Variants in RIMS1 observed in about 807,000 individuals in gnomAD.
RIMS1 encodes the protein regulating synaptic membrane exocytosis protein 1.
A neutral mutation model predicts 214.1 loss-of-function variants in RIMS1; 83 were observed. The ratio of observed to expected loss-of-function variants is 0.39; its 90% CI spans 0.32 to 0.47. RIMS1 has a LOEUF of 0.47. RIMS1 is among the 20% of genes least tolerant of loss of function. The pLI is 0.99. For missense variants in RIMS1, 2,050 were observed against 2,161.8 expected (o/e 0.95, Z 1.03); for synonymous variants, 793 against 786.8 (o/e 1.01, Z -0.13).
chr6:71,989,350 C>T (rs757095187), intron 2 of RIMS1, among the ~76,000 whole-genome samples: 2 of 152,172 alleles, frequency 1.3e-5, no homozygotes, highest in African/African-American at 2.4e-5. Context: ...CTCCAGAAAT[C>T]TTCACTAACA....
At chr6:72,127,497 A>G (rs557376485) in intron 4 of RIMS1, among the ~76,000 whole-genome samples, 1 of 152,300 alleles carries the variant, frequency 6.6e-6, no homozygotes, top group African/African-American at 2.4e-5. Context: ...ATTCAGTCTC[A>G]GTAATCATTG....
intron 26 of RIMS1, among the ~76,000 whole-genome samples, chr6:72,294,387 G>A (rs2093816765): frequency 6.6e-6 from 1 of 151,534 alleles, no homozygotes; most frequent in South Asian, 2.1e-4. Flanking sequence ...TATTACAATT[G>A]GTTAAGCCCC....
chr6:72,253,435 T>C (rs957389153), intron 16 of RIMS1, among the ~76,000 whole-genome samples: 4 of 152,160 alleles, frequency 2.6e-5, no homozygotes, highest in Admixed American at 1.3e-4. Flanking sequence ...TTTTGTGATG[T>C]TGTAGGGTTT....
intron 1 of RIMS1, among the ~76,000 whole-genome samples, chr6:71,945,806 G>A (rs1787637057): frequency 6.7e-6 from 1 of 149,710 alleles, no homozygotes; most frequent in Admixed American, 6.7e-5. Flanking sequence ...CTGGAGTGCA[G>A]TGGCATGATC....
intron 26 of RIMS1, among the ~76,000 whole-genome samples, chr6:72,298,226 G>A (rs914453722): frequency 6.6e-6 from 1 of 151,882 alleles, no homozygotes; most frequent in Non-Finnish European, 1.5e-5. Context: ...AATACTCAAA[G>A]CATTACTAAT....
chr6:71,942,629 T>C (rs1466821863), intron 1 of RIMS1, among the ~76,000 whole-genome samples: 1 of 152,110 alleles, frequency 6.6e-6, no homozygotes, highest in Non-Finnish European at 1.5e-5. Context: ...CCTGGAGGGT[T>C]TTTTGTTTGT....
intron 29 of RIMS1, among the ~76,000 whole-genome samples, chr6:72,380,226 G>A (rs533867433): frequency 1.2e-4 from 19 of 152,228 alleles, no homozygotes; most frequent in African/African-American, 4.1e-4. Context: ...GGTGGGGAAC[G>A]TCACACACCG....
intron 28 of RIMS1, among the ~76,000 whole-genome samples, chr6:72,327,617 T>C (rs905509495): frequency 6.6e-6 from 1 of 151,844 alleles, no homozygotes; most frequent in Admixed American, 6.6e-5. Flanking sequence ...GCTGCATCAC[T>C]TTACATCCCC....
Position 72,156,509 on chromosome 6 carries a change from AC to A in RIMS1, c.472-23064del, listed in dbSNP as rs757357962. Among the ~76,000 whole-genome samples the A allele has an allele frequency of 2.9e-4, 41 of 140,424 alleles. 8 individuals are homozygous for A. The highest frequency in any genetic ancestry group is 5.3e-4 in the Non-Finnish European group (33 of 61,700). The allele number at this position is 140,424 out of a possible 152,430, so 92.1% of individuals were successfully genotyped here. A position where few individuals can be genotyped will look rare whatever the true frequency, so the allele number is the denominator to read the frequency against. On this transcript the variant is annotated intron_variant, in intron 4 of 33. Transcript: ENST00000521978. ...GGGGAGAAGTAGGTAAAAGGGTACT[AC>A]CTTTGAGTTATGATCAATAGGTCTG...
At chr6:72,154,505 TAAC>T (rs2044185692) in intron 4 of RIMS1, among the ~76,000 whole-genome samples, 1 of 140,390 alleles carries the variant, frequency 7.1e-6, no homozygotes, top group Admixed American at 7.3e-5. Flanking sequence ...TATGAGAAGT[TAAC>T]AAATGAGAAC....
chr6:72,372,085 G>A (rs1007049972), intron 29 of RIMS1, among the ~76,000 whole-genome samples: 7 of 152,106 alleles, frequency 4.6e-5, no homozygotes, highest in Non-Finnish European at 8.8e-5. Context: ...AAAATACCTG[G>A]GCCAAGGATT....
At chr6:72,104,758 C>T (rs1348853667) in intron 4 of RIMS1, among the ~76,000 whole-genome samples, 1 of 152,118 alleles carries the variant, frequency 6.6e-6, no homozygotes, top group Non-Finnish European at 1.5e-5. Context: ...GCTGTATACA[C>T]TTCAGACAAT....
intron 6 of RIMS1, among the ~76,000 whole-genome samples, chr6:72,224,218 T>G (rs183374599): frequency 1.4e-4 from 22 of 152,292 alleles, no homozygotes; most frequent in African/African-American, 3.4e-4. Context: ...GGTGCATGGT[T>G]GTTTGATGGT....
chr6:71,939,851 C>G (rs909747886), intron 1 of RIMS1, among the ~76,000 whole-genome samples: 26 of 152,186 alleles, frequency 1.7e-4, no homozygotes, highest in African/African-American at 6.3e-4. Context: ...ATTACTAACT[C>G]TAATTTGGCC....
At chr6:72,251,478 C>T in intron 15 of RIMS1, 110 bp downstream of exon 15, 1 of 907,538 alleles carries the variant, frequency 1.1e-6, no homozygotes, top group Non-Finnish European at 1.6e-6. Context: ...GATCAAAATA[C>T]TGGAAAATTG....
intron 19 of RIMS1, chr6:72,261,544 A>G (rs1435892361): frequency 8.6e-6 from 8 of 925,122 alleles, no homozygotes; most frequent in African/African-American, 1.8e-5. Context: ...TACTTAATGT[A>G]TATTTGAAAT....
intron 2 of RIMS1, among the ~76,000 whole-genome samples, chr6:72,040,072 C>T (rs1290948272): frequency 6.6e-6 from 1 of 152,030 alleles, no homozygotes; most frequent in African/African-American, 2.4e-5. Flanking sequence ...GCTACTAACA[C>T]AAAAAATTTT....
In RIMS1 at chr6:72,161,804, C is replaced by T. The variant is rs762780448; in HGVS notation, c.472-17771C>T. Among the ~76,000 whole-genome samples the T allele has an allele frequency of 1.0e-3, 146 of 140,222 alleles. 34 individuals are homozygous for T. The highest frequency in any genetic ancestry group is 2.4e-3 in the South Asian group (10 of 4,230). 92.0% of individuals were successfully genotyped at this position (140,222 alleles called of 152,430 possible). ...ACATTTGCTGAGGAGAGCTTTACTT[C>T]CAACTATGTGGTCAACTTTGGAATA... On this transcript the variant is annotated intron_variant, in intron 4 of 33. Coordinates refer to ENST00000521978, the MANE Select transcript of RIMS1 (RefSeq NM_014989.7).
chr6:72,188,281 A>G (rs113265280), intron 6 of RIMS1, among the ~76,000 whole-genome samples: 1,703 of 152,314 alleles, frequency 0.011, 10 homozygotes, highest in Non-Finnish European at 0.017. Context: ...GTCAACTTGA[A>G]CCCATACACA....
Sources: allele counts gnomAD v4.1 joint callset (sites outside exome capture counted in the v4.1 genomes callset), GRCh38; gene constraint gnomAD v4.1.1; transcripts MANE v1.5; gene names NCBI Gene and HGNC (gene_info 2026-07-23, HGNC 2026-07-21).